The following EHMT1 variants were observed in gnomAD, a reference collection of about 807,000 sequenced individuals.
The protein encoded by EHMT1 is histone-lysine N-methyltransferase EHMT1.
EHMT1 carries 15 observed loss-of-function variants against 147.2 expected under a neutral mutation model. That is an observed-to-expected ratio of 0.10 (90% confidence interval 0.07 to 0.16). The LOEUF is 0.16. EHMT1 is among the 10% of genes least tolerant of loss of function. EHMT1 has a pLI of 1.00. For missense variants in EHMT1, 1,587 were observed against 1,772.4 expected (o/e 0.90, Z 1.88); for synonymous variants, 795 against 709.6 (o/e 1.12, Z -1.91).
At chr9:137,774,176 C>G (rs1196583987) in intron 10 of EHMT1, among the ~76,000 whole-genome samples, 1 of 152,266 alleles carries the variant, frequency 6.6e-6, no homozygotes, top group Non-Finnish European at 1.5e-5. Flanking sequence ...CCTGGACTGT[C>G]CTGCCAGGTA....
At chr9:137,815,795 T>A (rs1954872517) in intron 22 of EHMT1, 152 bp from the exon 23 acceptor site, 2 of 714,322 alleles carry the variant, frequency 2.8e-6, no homozygotes, top group Non-Finnish European at 5.0e-6. Context: ...ACACATGGAG[T>A]TTTTCCCTAG....
At chr9:137,824,190 C>G (rs1955653150) in intron 25 of EHMT1, among the ~76,000 whole-genome samples, 1 of 152,146 alleles carries the variant, frequency 6.6e-6, no homozygotes, top group Non-Finnish European at 1.5e-5. Context: ...GAGTTTGAAG[C>G]TGCAGTGAGC....
chr9:137,808,447 C>G (rs1422347406), intron 18 of EHMT1, among the ~76,000 whole-genome samples: 1 of 152,116 alleles, frequency 6.6e-6, no homozygotes, highest in Non-Finnish European at 1.5e-5. Context: ...CAACCATGGT[C>G]ATAGGTTTTG....
chr9:137,715,407 C>G (rs984606554), intron 2 of EHMT1, among the ~76,000 whole-genome samples: 4 of 152,214 alleles, frequency 2.6e-5, no homozygotes, highest in Non-Finnish European at 5.9e-5. Context: ...TCAGGGTACA[C>G]TGGTAAACAG....
intron 16 of EHMT1, among the ~76,000 whole-genome samples, chr9:137,796,703 C>CAAAAAAAAAAAAAAAA (rs11449759): frequency 2.3e-5 from 2 of 85,832 alleles, no homozygotes; most frequent in African/African-American, 1.0e-4. Context: ...GACTCCATCT[C>CAAAAAAAAAAAAAAAA]AAAAAAAAAA....
At chr9:137,640,042 G>C (rs1844372597) in intron 1 of EHMT1, among the ~76,000 whole-genome samples, 1 of 151,984 alleles carries the variant, frequency 6.6e-6, no homozygotes, top group Non-Finnish European at 1.5e-5. Flanking sequence ...TCGAGTGATT[G>C]TCCTGCCTCT....
chr9:137,752,455 T>G (rs1403637351), intron 7 of EHMT1, 47 bp downstream of exon 7: 2 of 1,594,294 alleles, frequency 1.3e-6, no homozygotes, highest in Non-Finnish European at 1.7e-6. Context: ...GTAGAGGAGA[T>G]GCAAAGACAC....
intron 6 of EHMT1, chr9:137,747,720 T>C (rs963313926): frequency 6.6e-6 from 1 of 152,186 alleles, no homozygotes; most frequent in East Asian, 1.9e-4. Context: ...AACGGTACAG[T>C]TGAGTAATGA....
rs550601840 is a variant in EHMT1 at position 137,805,036 on chromosome 9, CTG to C, written c.2712+4054_2712+4055del. Among the ~76,000 whole-genome samples, 15 of 151,616 alleles carry C rather than the reference CTG, an allele frequency of 9.9e-5. No individual in the cohort carries two copies. In the East Asian group the frequency reaches 1.2e-3, roughly 12 times the overall value. On this transcript the variant is annotated intron_variant, in intron 18 of 26. Coordinates refer to ENST00000460843, the MANE Select transcript of EHMT1 (RefSeq NM_024757.5). The stretch of plus-strand genomic sequence containing the variant: ...ATGTGTGAGTCAGTCATCTGCATGT[CTG>C]TCAGTCGTCCACATGTGTCAGTCCA...
At chr9:137,771,558 C>G (rs1950584152) in intron 10 of EHMT1, among the ~76,000 whole-genome samples, 1 of 152,190 alleles carries the variant, frequency 6.6e-6, no homozygotes, top group African/African-American at 2.4e-5. Flanking sequence ...TCTCTGTGCT[C>G]CTCGGAGTCC....
intron 1 of EHMT1, among the ~76,000 whole-genome samples, chr9:137,651,717 C>T (rs1173505533): frequency 6.6e-6 from 1 of 152,150 alleles, no homozygotes; most frequent in Non-Finnish European, 1.5e-5. Flanking sequence ...AATGCTTGAA[C>T]CTGGGAAGTG....
At chr9:137,751,617 T>C (rs1270828924) in intron 6 of EHMT1, among the ~76,000 whole-genome samples, 1 of 152,256 alleles carries the variant, frequency 6.6e-6, no homozygotes, top group African/African-American at 2.4e-5. Flanking sequence ...ACTGAACGTC[T>C]ATTTGCGTAT....
chr9:137,671,138 C>G (rs1940573795), intron 1 of EHMT1, among the ~76,000 whole-genome samples: 1 of 152,226 alleles, frequency 6.6e-6, no homozygotes, highest in Non-Finnish European at 1.5e-5. Flanking sequence ...CTATAGTTAA[C>G]TGTTTTCCCG....
chr9:137,655,456 G>A (rs2134001633), intron 1 of EHMT1, among the ~76,000 whole-genome samples: 1 of 152,354 alleles, frequency 6.6e-6, no homozygotes, highest in East Asian at 1.9e-4. Flanking sequence ...TTTCCTTAAT[G>A]AGGAAGATAA....
intron 10 of EHMT1, among the ~76,000 whole-genome samples, chr9:137,766,381 G>A (rs1037460365): frequency 1.3e-5 from 2 of 152,316 alleles, no homozygotes; most frequent in Non-Finnish European, 1.5e-5. Flanking sequence ...TGGGGAGGCC[G>A]AAGCAGGCAG....
intron 1 of EHMT1, among the ~76,000 whole-genome samples, chr9:137,667,757 G>T (rs1216753757): frequency 6.6e-6 from 1 of 152,180 alleles, no homozygotes; most frequent in Non-Finnish European, 1.5e-5. Context: ...TACAGTGAAA[G>T]CGTTGTATTT....
In EHMT1 at chr9:137,801,843, G is replaced by A. The variant is rs188592252; in HGVS notation, c.2712+859G>A. 4.2e-3 allele frequency among the ~76,000 whole-genome samples: 635 copies of A among 152,252 alleles called. 2 individuals are homozygous for A. Among genetic ancestry groups the A allele is most frequent in the Non-Finnish European group, 7.3e-3 (495 of 68,030 alleles). On this transcript the variant is annotated intron_variant, in intron 18 of 26. Transcript: ENST00000460843. ...AGACAGGGTTTAGCCATGTTGGCCA[G>A]GCTGGTCTTGAACTCCTGACCTCAG...
intron 1 of EHMT1, chr9:137,646,352 G>C (rs911728546): frequency 3.0e-6 from 3 of 985,388 alleles, no homozygotes. Context: ...CTGGCCTGAG[G>C]AACATTTCAA....
rs1301900330 is a variant in EHMT1, at chr9:137,778,006, C to G, written c.2143C>G (p.Pro715Ala). 6.2e-7 allele frequency: 1 copy of G among 1,613,710 alleles called. No homozygotes were observed. The highest frequency in any genetic ancestry group is 1.3e-5 in the African/African-American group (1 of 74,878). Reference protein sequence around the residue: ...GRPTPGLSQGPGKETLESALI... With the variant: ...GRPTPGLSQGAGKETLESALI... ...GCCAACTCCCGGCCTTTCCCAGGGA[C>G]CAGGGAAGGAAACCTTGGAGAGCGC... is the stretch of plus-strand genomic sequence containing the variant. Residue 715 changes from proline to alanine, a missense_variant, in exon 13 of 27, where the codon CCA becomes GCA. Transcript: ENST00000460843.
Sources: allele counts gnomAD v4.1 joint callset (sites outside exome capture counted in the v4.1 genomes callset), GRCh38; gene constraint gnomAD v4.1.1; transcripts MANE v1.5; gene names NCBI Gene and HGNC (gene_info 2026-07-23, HGNC 2026-07-21).